The following GRB10 variants were observed in gnomAD, a reference collection of about 807,000 sequenced individuals.
The protein encoded by GRB10 is growth factor receptor-bound protein 10.
In GRB10, 20 loss-of-function variants were observed where a neutral mutation model predicts 80.9. The observed-to-expected ratio is 0.25, with a 90% CI of 0.17 to 0.36. GRB10 has a LOEUF of 0.36. GRB10 is among the 10% of genes least tolerant of loss of function. The probability of loss-of-function intolerance (pLI) is 1.00; values close to 1 mark genes in which losing one functional copy is unlikely to be tolerated. For synonymous variants in GRB10, 291 were observed against 291.5 expected, an observed-to-expected ratio of 1.00 and a Z score of 0.02; for missense variants, 548 against 747.7, an observed-to-expected ratio of 0.73 and a Z score of 3.12.
chr7:50,644,597 C>T (rs1408422516), intron 7 of GRB10, among the ~76,000 whole-genome samples: 1 of 152,220 alleles, frequency 6.6e-6, no homozygotes, highest in African/African-American at 2.4e-5. Flanking sequence ...GAAAAACTCT[C>T]ACCTGAGACC....
chr7:50,751,832 G>C (rs185902346), intron 3 of GRB10, among the ~76,000 whole-genome samples: 1 of 152,322 alleles, frequency 6.6e-6, no homozygotes, highest in Admixed American at 6.5e-5. Context: ...GTATAGTTAA[G>C]GGCTTTAAAG....
At chr7:50,697,564 C>A (rs1472227911) in intron 5 of GRB10, among the ~76,000 whole-genome samples, 1 of 152,186 alleles carries the variant, frequency 6.6e-6, no homozygotes, top group Admixed American at 6.5e-5. Context: ...TTATTCTAAA[C>A]ATCAGGTTCC....
At position 50,677,763 on chromosome 7, in the gene GRB10, G is replaced by A. The variant is rs546005929; in HGVS notation, c.140-3105C>T. Among the ~76,000 whole-genome samples the A allele has an allele frequency of 6.6e-5, 10 of 152,108 alleles. No homozygotes were observed. In the South Asian group the frequency reaches 1.9e-3, roughly 28 times the overall value. On this transcript the variant is annotated intron_variant, in intron 5 of 18. Coordinates refer to ENST00000401949, the MANE Select transcript of GRB10 (RefSeq NM_001350814.2). ...AGTGGGCCATCTAAAAGTCAATACT[G>A]GCCAAAACACAAAGTTCACTGTTAA...
intron 4 of GRB10, among the ~76,000 whole-genome samples, chr7:50,708,504 C>T (rs1023548521): frequency 3.9e-5 from 6 of 152,220 alleles, no homozygotes; most frequent in Non-Finnish European, 1.5e-5. Flanking sequence ...CAAACAGTGG[C>T]GCTCTGCCAG....
chr7:50,699,567 A>G (rs1462099514), intron 5 of GRB10, among the ~76,000 whole-genome samples: 2 of 152,142 alleles, frequency 1.3e-5, no homozygotes, highest in African/African-American at 4.8e-5. Context: ...CTGTTTTATG[A>G]TAGTAAACCA....
At position 50,787,938 on chromosome 7, in the gene GRB10, G is replaced by A. The variant is rs116906429; in HGVS notation, c.-294+5286C>T. ...CCCTCTGGCTCAAATCAGCCCATAC[G>A]GGACAATTAGAGGGCACTGAACATG... is the stretch of plus-strand genomic sequence containing the variant. On this transcript the variant is annotated intron_variant, in intron 1 of 16. Coordinates refer to the GRB10 transcript ENST00000335866. 3.2e-3 allele frequency among the ~76,000 whole-genome samples: 489 copies of A among 152,262 alleles called. 2 individuals are homozygous for A. The highest frequency in any genetic ancestry group is 5.8e-3 in the Non-Finnish European group (397 of 68,018).
intron 13 of GRB10, among the ~76,000 whole-genome samples, chr7:50,609,044 C>A (rs2049027487): frequency 6.8e-6 from 1 of 148,062 alleles, no homozygotes; most frequent in Admixed American, 6.7e-5. Context: ...ATTGGGTTAA[C>A]AGAGGGAAAA....
At chr7:50,608,678 T>C (rs938717254) in intron 13 of GRB10, among the ~76,000 whole-genome samples, 1 of 152,102 alleles carries the variant, frequency 6.6e-6, no homozygotes, top group South Asian at 2.1e-4. Flanking sequence ...TCAAGGGGCA[T>C]GTTAGGCCGG....
At chr7:50,777,429 T>TACACACACACAC (rs71018485) in intron 2 of GRB10, among the ~76,000 whole-genome samples, 21,107 of 145,998 alleles carry the variant, frequency 0.14, 1,616 homozygotes, top group Non-Finnish European at 0.16. Context: ...GCAATCTGTA[T>TACACACACACAC]ACACACACAC....
chr7:50,718,061 A>T (rs2067160118), intron 4 of GRB10, among the ~76,000 whole-genome samples: 2 of 152,256 alleles, frequency 1.3e-5, no homozygotes. Flanking sequence ...CGGCCCAGAC[A>T]ATTCCAGCCC....
At chr7:50,594,138 G>A (rs543183615) in intron 18 of GRB10, among the ~76,000 whole-genome samples, 1 of 152,312 alleles carries the variant, frequency 6.6e-6, no homozygotes, top group Non-Finnish European at 1.5e-5. Context: ...AGTAATTCCT[G>A]TATTTGCATA....
rs76791595 is a variant in GRB10, at chr7:50,718,728, C to T, written c.51+13544G>A. ...TCACCAGGAGCCCAACGTTAAGTCC[C>T]GTGCATACTGAAATTGTAACCGTCG... On this transcript the variant is annotated intron_variant, in intron 4 of 18. Coordinates refer to ENST00000401949, the MANE Select transcript of GRB10 (RefSeq NM_001350814.2). Among the ~76,000 whole-genome samples the T allele has an allele frequency of 6.5e-3, 997 of 152,266 alleles. 36 individuals carry two copies. In the East Asian group the frequency reaches 0.095, roughly 14 times the overall value.
intron 8 of GRB10, among the ~76,000 whole-genome samples, chr7:50,619,969 T>A (rs1198460187): frequency 6.6e-6 from 1 of 152,170 alleles, no homozygotes; most frequent in Admixed American, 6.5e-5. Flanking sequence ...CTTCACAGCA[T>A]CTTACATAGC....
intron 7 of GRB10, among the ~76,000 whole-genome samples, chr7:50,665,278 C>T (rs2059682468): frequency 6.6e-6 from 1 of 152,250 alleles, no homozygotes; most frequent in Admixed American, 6.5e-5. Flanking sequence ...CCATAGAGTA[C>T]AACCTCAGGT....
chr7:50,593,213 C>T (rs1255443919), intron 18 of GRB10, 115 bp from the exon 19 acceptor site: 1 of 1,212,070 alleles, frequency 8.3e-7, no homozygotes. Flanking sequence ...GAGGGACACA[C>T]AGGGCAAGGT....
chr7:50,746,094 G>A (rs1397697199), intron 3 of GRB10, among the ~76,000 whole-genome samples: 1 of 152,158 alleles, frequency 6.6e-6, no homozygotes, highest in African/African-American at 2.4e-5. Context: ...AGCTCCACAG[G>A]CAGCCTGGTT....
At chr7:50,661,816 T>C (rs1312221285) in intron 7 of GRB10, among the ~76,000 whole-genome samples, 1 of 152,134 alleles carries the variant, frequency 6.6e-6, no homozygotes, top group African/African-American at 2.4e-5. Context: ...TACCCACCCG[T>C]ATATGGAACA....
chr7:50,641,928 C>T (rs552525662), intron 7 of GRB10, among the ~76,000 whole-genome samples: 1 of 152,130 alleles, frequency 6.6e-6, no homozygotes, highest in African/African-American at 2.4e-5. Flanking sequence ...ACCTGGCCAG[C>T]GGCAGAGTAC....
chr7:50,632,884 G>C (rs2054271017), intron 7 of GRB10, among the ~76,000 whole-genome samples: 1 of 152,132 alleles, frequency 6.6e-6, no homozygotes, highest in Non-Finnish European at 1.5e-5. Flanking sequence ...GCCAAGGTTG[G>C]TGCTTGTACC....
Sources: gnomAD v4.1 joint callset for allele counts (sites outside exome capture counted in the v4.1 genomes callset) on GRCh38, gnomAD v4.1.1 for gene constraint, MANE v1.5 for transcripts, NCBI Gene and HGNC (gene_info 2026-07-23, HGNC 2026-07-21) for gene names.